SEC61A2: variants seen among roughly 807,000 people sequenced by gnomAD.
The protein encoded by SEC61A2 is protein transport protein Sec61 subunit alpha isoform 2.
SEC61A2 carries 28 observed loss-of-function variants against 59.9 expected under a neutral mutation model. The ratio of observed to expected loss-of-function variants is 0.47; its 90% CI spans 0.35 to 0.64. The LOEUF (loss-of-function observed/expected upper bound fraction) is 0.64, where lower values mean the gene tolerates loss of function less well. Among genes scored for constraint, SEC61A2 ranks in the 30% least tolerant of loss-of-function variants. The probability of loss-of-function intolerance (pLI) is 0.01; values close to 1 mark genes in which losing one functional copy is unlikely to be tolerated. For missense variants in SEC61A2, 340 were observed against 585.9 expected (o/e 0.58, Z 4.33); for synonymous variants, 202 against 214.4 (o/e 0.94, Z 0.50).
At chr10:12,150,456 G>A (rs1834246269) in intron 6 of SEC61A2, among the ~76,000 whole-genome samples, 1 of 152,230 alleles carries the variant, frequency 6.6e-6, no homozygotes, top group African/African-American at 2.4e-5. Flanking sequence ...AAGGTGTTCA[G>A]AAAATCTGTT....
chr10:12,151,525 T>C (rs4237421), intron 6 of SEC61A2, among the ~76,000 whole-genome samples: 149,673 of 150,616 alleles, frequency 0.99, 74,378 homozygotes, highest in Middle Eastern at 1. Context: ...TTGGCCAGGA[T>C]GGTCTTGATC....
At chr10:12,166,536 G>T (rs868651178), downstream of SEC61A2, 1 of 311,810 alleles carries the variant, frequency 3.2e-6, no homozygotes, top group African/African-American at 2.2e-5. Flanking sequence ...CTCAGACAGT[G>T]AGCCTGTGGA....
chr10:12,166,777 C>T (rs144449225), downstream of SEC61A2: 290 of 491,224 alleles, frequency 5.9e-4, 1 homozygote, highest in African/African-American at 5.1e-3. Flanking sequence ...TAAACTCACT[C>T]AAGAAGCTAA....
chr10:12,169,403 G>A (rs1176880575), downstream of SEC61A2: 23 of 974,176 alleles, frequency 2.4e-5, no homozygotes, highest in Non-Finnish European at 3.2e-5. This position sits in a 1 kb window ranked among gnomAD's most constrained non-coding sequence, Gnocchi z 4.8. Flanking sequence ...GGGAGGGGCT[G>A]TTATTGTTCC....
At chr10:12,130,944 G>C (rs1025562799) in intron 1 of SEC61A2, 1 of 152,272 alleles carries the variant, frequency 6.6e-6, no homozygotes, top group African/African-American at 2.4e-5. Flanking sequence ...AGGCCGAGGA[G>C]GGCGGATCAC....
rs999063296 is a variant in SEC61A2, at chr10:12,145,103, A to G, written c.220+1908A>G. Among the ~76,000 whole-genome samples, 1 of 151,850 alleles carries G rather than the reference A, an allele frequency of 6.6e-6. No individual in the cohort carries two copies. The highest frequency in any genetic ancestry group is 2.4e-5 in the African/African-American group (1 of 41,340). ...TGTGGGGTGGAAGAAATGAAAGAAG[A>G]GGGAGGAGTGATGGGACCTGATGTT... is the stretch of plus-strand genomic sequence containing the variant. On this transcript the variant is annotated intron_variant, in intron 4 of 11. Coordinates refer to ENST00000298428, the MANE Select transcript of SEC61A2 (RefSeq NM_018144.4). The surrounding 1 kb of genome is among the most constrained non-coding windows in gnomAD (Gnocchi z 4.4).
At chr10:12,133,404 G>A in intron 2 of SEC61A2, 96 bp downstream of exon 2, 1 of 606,554 alleles carries the variant, frequency 1.6e-6, no homozygotes, top group Non-Finnish European at 3.0e-6. Flanking sequence ...TTCTCTGTTG[G>A]TAATTGGAAA....
rs1015466368 is a variant in SEC61A2 at position 12,162,648 on chromosome 10, G to A, written c.1244+359G>A. Reference sequence around the variant, plus strand: ...ATCAGGGTTTTATTTTTTGGTAACAGCTTTATTGAGATAAAATTCAGATAC... The same window carrying A: ...ATCAGGGTTTTATTTTTTGGTAACAACTTTATTGAGATAAAATTCAGATAC... On this transcript the variant is annotated intron_variant, in intron 11 of 11. Transcript: ENST00000298428. This position sits in a 1 kb window ranked among gnomAD's most constrained non-coding sequence, Gnocchi z 6.1. 1.3e-5 allele frequency among the ~76,000 whole-genome samples: 2 copies of A among 152,152 alleles called. No individual in the cohort carries two copies. Among genetic ancestry groups the A allele is most frequent in the African/African-American group, 2.4e-5 (1 of 41,430 alleles).
rs1834238091 is a variant in SEC61A2 at position 12,149,975 on chromosome 10, T to C, written c.462+14T>C. On this transcript the variant is annotated intron_variant, in intron 6 of 11. Coordinates refer to ENST00000298428, the MANE Select transcript of SEC61A2 (RefSeq NM_018144.4). This position sits in a 1 kb window ranked among gnomAD's most constrained non-coding sequence, Gnocchi z 5.2. Reference sequence around the variant, plus strand: ...ATCATCATTCAGGTAAGAAATCCTATATTTTCCTATGCAGATAACAAAACA... The same window carrying C: ...ATCATCATTCAGGTAAGAAATCCTACATTTTCCTATGCAGATAACAAAACA... The C allele has an allele frequency of 6.5e-7, 1 of 1,542,210 alleles. No individual in the cohort carries two copies.
rs1385460499 is a variant in SEC61A2, at chr10:12,149,873, T to A, written c.374T>A (p.Ile125Asn). ...AQKLFGMIIT[I>N]GQAIVYVMTG... ...TCAGTGTTTGGTATGATCATTACCA[T>A]TGGGCAAGCCATTGTGTATGTCATG... Residue 125 changes from isoleucine (I) to asparagine (N), a missense_variant, in exon 6 of 12, where the codon ATT (isoleucine) becomes AAT (asparagine). Ile to Asn is a moderately radical substitution (Grantham distance 149). Transcript: ENST00000298428. This position sits in a 1 kb window ranked among gnomAD's most constrained non-coding sequence, Gnocchi z 5.2. 6.2e-7 allele frequency: 1 copy of A among 1,614,152 alleles called. No individual in the cohort carries two copies. Among genetic ancestry groups the A allele is most frequent in the East Asian group, 2.2e-5 (1 of 44,890 alleles).
chr10:12,144,927 T>C (rs1176407264), intron 4 of SEC61A2, among the ~76,000 whole-genome samples: 3 of 151,932 alleles, frequency 2.0e-5, no homozygotes, highest in Non-Finnish European at 4.4e-5. Context: ...GTGTGTACTG[T>C]GGTCCCAGCT....
intron 2 of SEC61A2, among the ~76,000 whole-genome samples, chr10:12,134,811 G>A (rs757165459): frequency 5.3e-5 from 8 of 151,960 alleles, no homozygotes; most frequent in Non-Finnish European, 1.0e-4. Context: ...CCAGCTTCTC[G>A]GGAGGCTGAG....
rs551981238 is a variant in SEC61A2, at chr10:12,149,692, G to A, written c.318G>A (p.Pro106=). The change falls in exon 5 of 12, where the codon CCG becomes CCA. Residue 106 remains proline (P), a synonymous_variant. Coordinates refer to ENST00000298428, the MANE Select transcript of SEC61A2 (RefSeq NM_018144.4). This position sits in a 1 kb window ranked among gnomAD's most constrained non-coding sequence, Gnocchi z 5.2. ...AAATCATTGAAGTTGGAGATACACC[G>A]AAAGATAGAGCTTTATTCAATGGAG... ...GAKIIEVGDT[P]KDRALFNGAQ... The A allele has an allele frequency of 4.3e-5, 69 of 1,613,774 alleles. No individual in the cohort carries two copies. The East Asian group carries it at 6.0e-4, about 14-fold the overall frequency.
chr10:12,139,968 C>CAAA (rs776277274), intron 3 of SEC61A2, among the ~76,000 whole-genome samples: 19 of 52,562 alleles, frequency 3.6e-4, no homozygotes, highest in African/African-American at 8.8e-4. Context: ...GACTCCATCT[C>CAAA]AAAAAAAAAA....
intron 3 of SEC61A2, among the ~76,000 whole-genome samples, chr10:12,141,522 T>G (rs929433711): frequency 2.0e-5 from 3 of 152,162 alleles, no homozygotes; most frequent in Non-Finnish European, 4.4e-5. Context: ...TGTTGTTGTT[T>G]TAATGAAAAG....
chr10:12,148,214 C>T (rs1294900291), intron 4 of SEC61A2, among the ~76,000 whole-genome samples: 1 of 149,704 alleles, frequency 6.7e-6, no homozygotes, highest in Non-Finnish European at 1.5e-5. Flanking sequence ...GCTGGGATTA[C>T]AGGCGTGAGC....
chr10:12,134,705 C>T (rs1833844592), intron 2 of SEC61A2, among the ~76,000 whole-genome samples: 1 of 151,954 alleles, frequency 6.6e-6, no homozygotes, highest in African/African-American at 2.4e-5. Context: ...GGCAGGTGCT[C>T]AAGAGATGGG....
At chr10:12,137,950 G>A (rs1833925824) in intron 3 of SEC61A2, among the ~76,000 whole-genome samples, 1 of 152,156 alleles carries the variant, frequency 6.6e-6, no homozygotes, top group Non-Finnish European at 1.5e-5. Context: ...AGGTTGCAGT[G>A]AGCTGAGATC....
downstream of SEC61A2, chr10:12,169,385 T>A (rs1303036032): frequency 1.0e-5 from 12 of 1,164,712 alleles, no homozygotes; most frequent in East Asian, 3.2e-4. The surrounding 1 kb of genome is among the most constrained non-coding windows in gnomAD (Gnocchi z 4.8). Flanking sequence ...TCCACGCACC[T>A]CCTCAGAGGG....
Sources: allele counts gnomAD v4.1 joint callset (sites outside exome capture counted in the v4.1 genomes callset), GRCh38; gene constraint gnomAD v4.1.1; non-coding constraint Gnocchi (gnomAD v3.1); transcripts MANE v1.5; gene names NCBI Gene and HGNC (gene_info 2026-07-23, HGNC 2026-07-21).